Variants in NT5DC3 observed in about 807,000 individuals in gnomAD.
NT5DC3 encodes 5'-nucleotidase domain-containing protein 3.
Under a neutral mutation model 67.8 loss-of-function variants are expected in NT5DC3, and 42 were observed. The observed-to-expected ratio is 0.62, with a 90% CI of 0.48 to 0.80. NT5DC3 has a LOEUF of 0.80. Among genes scored for constraint, NT5DC3 ranks in the 30% least tolerant of loss-of-function variants. The pLI is 0.00. For missense variants in NT5DC3, 570 were observed against 696.4 expected, an observed-to-expected ratio of 0.82 and a Z score of 2.04; for synonymous variants, 237 against 255.6, an observed-to-expected ratio of 0.93 and a Z score of 0.69.
At chr12:103,791,309 T>C (rs1380507086) in intron 9 of NT5DC3, among the ~76,000 whole-genome samples, 1 of 151,990 alleles carries the variant, frequency 6.6e-6, no homozygotes, top group African/African-American at 2.4e-5. Flanking sequence ...AGGGCCCTTC[T>C]CCTGACCACA....
At chr12:103,803,258 A>G (rs955198853) in intron 4 of NT5DC3, among the ~76,000 whole-genome samples, 30 of 152,218 alleles carry the variant, frequency 2.0e-4, no homozygotes, top group African/African-American at 7.2e-4. Context: ...AAAAATTGTA[A>G]TATGTTAAAT....
intron 1 of NT5DC3, among the ~76,000 whole-genome samples, chr12:103,835,196 GTGCTTAATAAA>G: frequency 6.6e-6 from 1 of 152,140 alleles, no homozygotes; most frequent in Non-Finnish European, 1.5e-5. Flanking sequence ...CCACTGCTGG[GTGCTTAATAAA>G]TGCTTGTTGG....
intron 4 of NT5DC3, among the ~76,000 whole-genome samples, chr12:103,800,234 G>T (rs917673844): frequency 2.0e-5 from 3 of 152,190 alleles, no homozygotes; most frequent in African/African-American, 7.2e-5. Flanking sequence ...AGTTATCTGA[G>T]TGGATTCATT....
intron 1 of NT5DC3, among the ~76,000 whole-genome samples, chr12:103,815,453 G>A (rs539020564): frequency 5.8e-4 from 89 of 152,216 alleles, no homozygotes; most frequent in African/African-American, 2.1e-3. Context: ...ATAAGGTCTC[G>A]CTCTGTTAAC....
the NT5DC3 span, among the ~76,000 whole-genome samples, chr12:103,759,915 CTTAT>C: frequency 6.6e-6 from 1 of 152,146 alleles, no homozygotes; most frequent in Non-Finnish European, 1.5e-5. Flanking sequence ...GGATCAAGAG[CTTAT>C]TTACTTTTTA....
chr12:103,828,198 T>C (rs1365919323), intron 1 of NT5DC3, among the ~76,000 whole-genome samples: 2 of 152,234 alleles, frequency 1.3e-5, no homozygotes, highest in African/African-American at 2.4e-5. Context: ...GAATCAAAAG[T>C]ACTCTCTGTG....
chr12:103,833,028 T>A (rs1242993912), intron 1 of NT5DC3, among the ~76,000 whole-genome samples: 1 of 152,194 alleles, frequency 6.6e-6, no homozygotes, highest in African/African-American at 2.4e-5. Context: ...AAAAAGCACA[T>A]TTCTGGTTGT....
the NT5DC3 span, among the ~76,000 whole-genome samples, chr12:103,754,436 A>G: frequency 6.6e-6 from 1 of 152,112 alleles, no homozygotes; most frequent in Non-Finnish European, 1.5e-5. Flanking sequence ...TCTCAATTGT[A>G]TAAGGATTTA....
At chr12:103,814,711 A>C (rs898176609) in intron 2 of NT5DC3, among the ~76,000 whole-genome samples, 2 of 152,214 alleles carry the variant, frequency 1.3e-5, no homozygotes, top group African/African-American at 4.8e-5. Flanking sequence ...ATCTCCACTA[A>C]TGCACATCTT....
chr12:103,767,652 C>G (rs1885042011), downstream of NT5DC3, among the ~76,000 whole-genome samples: 1 of 151,972 alleles, frequency 6.6e-6, no homozygotes, highest in African/African-American at 2.4e-5. Flanking sequence ...ATACAATTAA[C>G]CTGCCAAAGA....
downstream of NT5DC3, among the ~76,000 whole-genome samples, chr12:103,770,098 A>T (rs1885147214): frequency 6.6e-6 from 1 of 152,220 alleles, no homozygotes; most frequent in African/African-American, 2.4e-5. Context: ...ATTCATAGAA[A>T]ACATGGCCTA....
chr12:103,764,759 A>AT, the NT5DC3 span, among the ~76,000 whole-genome samples: 44 of 151,304 alleles, frequency 2.9e-4, 1 homozygote, highest in Admixed American at 1.2e-3. Context: ...TGCAAATCAT[A>AT]TTTTTTTAAT....
chr12:103,791,792 G>C (rs1190090038), intron 9 of NT5DC3, among the ~76,000 whole-genome samples: 1 of 152,214 alleles, frequency 6.6e-6, no homozygotes, highest in Non-Finnish European at 1.5e-5. Context: ...GATTCTCAAA[G>C]GAGCGGAACC....
chr12:103,764,095 A>G, the NT5DC3 span, among the ~76,000 whole-genome samples: 6 of 151,816 alleles, frequency 4.0e-5, no homozygotes, highest in African/African-American at 1.5e-4. Context: ...CTGGGATTAC[A>G]GGCGCATACC....
At chr12:103,790,509 C>A (rs1885999042) in intron 9 of NT5DC3, among the ~76,000 whole-genome samples, 1 of 152,060 alleles carries the variant, frequency 6.6e-6, no homozygotes, top group African/African-American at 2.4e-5. Context: ...GATCTGCCCA[C>A]CTCAGTCTCC....
the NT5DC3 span, chr12:103,763,639 T>C: frequency 6.3e-7 from 1 of 1,577,276 alleles, no homozygotes. Flanking sequence ...AGGAATAGGT[T>C]CCCTTGGGGT....
Position 103,787,488 on chromosome 12 carries a change from C to A in NT5DC3, c.1141G>T (p.Gly381Ter), listed in dbSNP as rs776696063. ...YEFLKLTGWRGSRVLYFGDHI... is the reference protein window; with the variant it reads ...YEFLKLTGWR ...TCACCAAAATACAACACTCTGGATC[C>A]TCTCCATCCAGTAAGCTTCAAAAAT... is the stretch of plus-strand genomic sequence containing the variant. Residue 381 changes from glycine (G) to a stop codon, truncating the protein, a stop_gained, in exon 11 of 14, where the codon GGA (glycine) becomes TGA (stop). Coordinates refer to ENST00000392876, the MANE Select transcript of NT5DC3 (RefSeq NM_001031701.3). LOFTEE classifies it high-confidence loss of function. 2 of 1,602,854 alleles carry A rather than the reference C, an allele frequency of 1.2e-6. No homozygotes were observed. Among genetic ancestry groups the A allele is most frequent in the Non-Finnish European group, 1.7e-6 (2 of 1,173,522 alleles).
At chr12:103,755,529 G>C in the NT5DC3 span, 1 of 1,608,534 alleles carries the variant, frequency 6.2e-7, no homozygotes, top group Non-Finnish European at 8.5e-7. Flanking sequence ...TCCTCAGCCT[G>C]GCCAGTCACT....
At chr12:103,793,070 T>C (rs928809885) in intron 9 of NT5DC3, 94 bp downstream of exon 9, 21 of 873,082 alleles carry the variant, frequency 2.4e-5, no homozygotes, top group Non-Finnish European at 3.4e-5. Context: ...CACATGCTTA[T>C]GATTTTGCAA....
Sources: gnomAD v4.1 joint callset for allele counts (sites outside exome capture counted in the v4.1 genomes callset) on GRCh38, gnomAD v4.1.1 for gene constraint, MANE v1.5 for transcripts, NCBI Gene and HGNC (gene_info 2026-07-23, HGNC 2026-07-21) for gene names.